The following NEDD4 variants were observed in gnomAD, a reference collection of about 807,000 sequenced individuals.
The protein encoded by NEDD4 is E3 ubiquitin-protein ligase NEDD4.
Under a neutral mutation model 144.9 loss-of-function variants are expected in NEDD4, and 99 were observed. The observed-to-expected ratio is 0.68, with a 90% confidence interval of 0.58 to 0.81. The LOEUF (loss-of-function observed/expected upper bound fraction) is 0.81, where lower values mean the gene tolerates loss of function less well. Ranked by LOEUF, NEDD4 falls within the 30% of genes least tolerant of loss-of-function variation. NEDD4 has a pLI of 0.00. For synonymous variants in NEDD4, 318 were observed against 350.6 expected, an observed-to-expected ratio of 0.91 and a Z score of 1.04; for missense variants, 985 against 1,065.9, an observed-to-expected ratio of 0.92 and a Z score of 1.06.
At chr15:55,915,321 T>C (rs1375184902) in intron 5 of NEDD4, 2 of 1,606,738 alleles carry the variant, frequency 1.2e-6, no homozygotes, top group African/African-American at 2.7e-5. Context: ...GCAATCTCTG[T>C]TGCTGTCTCT....
Position 55,866,799 on chromosome 15 carries a change from A to G in NEDD4, c.507+2780T>C, listed in dbSNP as rs1212109660. 2.0e-5 allele frequency among the ~76,000 whole-genome samples: 3 copies of G among 152,216 alleles called. No homozygotes were observed. In the East Asian group the frequency reaches 5.8e-4, roughly 29 times the overall value. On this transcript the variant is annotated intron_variant, in intron 8 of 28. Transcript: ENST00000435532. ...TGTGGAAGTAGAGTTGTACAATCAA[A>G]CACGGCTTAGAAAGACTGGATACAA...
At chr15:55,970,781 C>T (rs1383819113) in intron 1 of NEDD4, among the ~76,000 whole-genome samples, 2 of 152,162 alleles carry the variant, frequency 1.3e-5, no homozygotes, top group African/African-American at 4.8e-5. Context: ...ACTTAAGATT[C>T]CCTCTGAATA....
chr15:55,971,709 A>G (rs771262990), intron 1 of NEDD4, among the ~76,000 whole-genome samples: 86 of 152,298 alleles, frequency 5.6e-4, no homozygotes, highest in Non-Finnish European at 1.1e-3. Flanking sequence ...AAATAATAAC[A>G]AAGAACTTTC....
chr15:55,917,009 GA>G, intron 5 of NEDD4: 1 of 1,320,102 alleles, frequency 7.6e-7, no homozygotes. Context: ...ATCATAGAAA[GA>G]AAAAGACGAC....
chr15:55,845,109 C>A (rs1394990395), intron 18 of NEDD4, among the ~76,000 whole-genome samples: 2 of 152,146 alleles, frequency 1.3e-5, no homozygotes, highest in Admixed American at 6.5e-5. Context: ...TGTGAGAATT[C>A]ATATTCTTAG....
At chr15:55,876,847 CT>C (rs1399368575) in intron 5 of NEDD4, among the ~76,000 whole-genome samples, 5 of 149,240 alleles carry the variant, frequency 3.4e-5, no homozygotes, top group East Asian at 3.9e-4. Context: ...AAATGTTTTT[CT>C]TTTTTTTTCA....
chr15:55,890,258 T>C (rs528229514), intron 5 of NEDD4, among the ~76,000 whole-genome samples: 4 of 152,188 alleles, frequency 2.6e-5, no homozygotes, highest in Admixed American at 6.5e-5. Context: ...CAATGTTTTT[T>C]AGTATTTTCA....
At chr15:55,916,696 C>A in intron 5 of NEDD4, 1 of 1,613,992 alleles carries the variant, frequency 6.2e-7, no homozygotes, top group African/African-American at 1.3e-5. Context: ...ATTTGAACAA[C>A]GTTAGACGTT....
chr15:55,937,453 G>C (rs1467367120), intron 4 of NEDD4, among the ~76,000 whole-genome samples: 1 of 152,096 alleles, frequency 6.6e-6, no homozygotes, highest in Non-Finnish European at 1.5e-5. Context: ...AATTAGCATT[G>C]ATCCACACAA....
intron 1 of NEDD4, among the ~76,000 whole-genome samples, chr15:55,985,605 A>G (rs1458164890): frequency 1.3e-5 from 2 of 152,230 alleles, no homozygotes; most frequent in African/African-American, 2.4e-5. Flanking sequence ...TCACTGTTAG[A>G]AAAGGTACTT....
In NEDD4 at chr15:55,958,118, TA is replaced by T. The variant is rs373663853; in HGVS notation, c.120-6530del. 3.7e-4 allele frequency among the ~76,000 whole-genome samples: 55 copies of T among 150,268 alleles called. No homozygotes were observed. In the East Asian group the frequency reaches 9.9e-3, roughly 27 times the overall value. On this transcript the variant is annotated intron_variant, in intron 2 of 28. Coordinates refer to ENST00000435532, the MANE Select transcript of NEDD4 (RefSeq NM_006154.4). ...ATGTACCCTAGAACTTAACGTATAA[TA>T]AAAAAAAGATGACTGTCTTCTTTTA...
chr15:55,831,559 G>T (rs2032951736), intron 27 of NEDD4, among the ~76,000 whole-genome samples: 1 of 152,156 alleles, frequency 6.6e-6, no homozygotes, highest in African/African-American at 2.4e-5. Context: ...AAAAGAAAGA[G>T]GCTATCAAGT....
At chr15:55,952,855 C>CA (rs1346880214) in intron 2 of NEDD4, 1 of 152,192 alleles carries the variant, frequency 6.6e-6, no homozygotes, top group African/African-American at 2.4e-5. Context: ...TCCAGCAAAG[C>CA]AAAATACATC....
rs188371174 is a variant in NEDD4 at position 55,981,005 on chromosome 15, A to C, written c.45+12506T>G. 1.1e-4 allele frequency among the ~76,000 whole-genome samples: 16 copies of C among 142,876 alleles called. No homozygotes were observed. The East Asian group carries it at 3.1e-3, about 28-fold the overall frequency. The allele number at this position is 142,876 out of a possible 152,430, so 93.7% of individuals were successfully genotyped here. On this transcript the variant is annotated intron_variant, in intron 1 of 28. Coordinates refer to ENST00000435532, the MANE Select transcript of NEDD4 (RefSeq NM_006154.4). ...ATAAGGTAAAAACAAAATATTCAAC[A>C]AAAAAAAATTGCTAGGGAGGGATGC...
intron 1 of NEDD4, among the ~76,000 whole-genome samples, chr15:55,967,454 GTGTGTGTGTGTGTGTGTGTGTA>G (rs1269695577): frequency 6.6e-6 from 1 of 150,614 alleles, no homozygotes; most frequent in African/African-American, 2.4e-5. Flanking sequence ...GTGTGTGTGT[GTGTGTGTGTGTGTGTGTGTGTA>G]TGTGTGTGTA....
intron 18 of NEDD4, among the ~76,000 whole-genome samples, chr15:55,844,994 G>C (rs2033681107): frequency 6.6e-6 from 1 of 151,826 alleles, no homozygotes. Context: ...CTTTATTTCT[G>C]TTTTGGTGTT....
At chr15:55,956,001 G>A (rs549091376) in intron 2 of NEDD4, among the ~76,000 whole-genome samples, 8 of 150,612 alleles carry the variant, frequency 5.3e-5, no homozygotes, top group African/African-American at 2.0e-4. Context: ...AAATTTTTTT[G>A]TAGAGACAGG....
chr15:55,983,602 T>A (rs150301589), intron 1 of NEDD4, among the ~76,000 whole-genome samples: 4,183 of 149,038 alleles, frequency 0.028, 98 homozygotes, highest in Non-Finnish European at 0.042. Flanking sequence ...ATTAATTAAT[T>A]TTTAGATATA....
intron 5 of NEDD4, among the ~76,000 whole-genome samples, chr15:55,883,656 C>T (rs543080844): frequency 6.6e-5 from 10 of 151,626 alleles, no homozygotes; most frequent in Admixed American, 5.9e-4. Context: ...TGTGTCATCC[C>T]TCCCCTAGTT....
Sources: allele counts gnomAD v4.1 joint callset (sites outside exome capture counted in the v4.1 genomes callset), GRCh38; gene constraint gnomAD v4.1.1; transcripts MANE v1.5; gene names NCBI Gene and HGNC (gene_info 2026-07-23, HGNC 2026-07-21).